The following CNTNAP2 variants were observed in gnomAD, a reference collection of about 807,000 sequenced individuals.
CNTNAP2 encodes contactin-associated protein-like 2.
In CNTNAP2, 98 loss-of-function variants were observed where a neutral mutation model predicts 155.2. The observed-to-expected ratio is 0.63, with a 90% CI of 0.54 to 0.75. CNTNAP2 has a LOEUF of 0.75. Among genes scored for constraint, CNTNAP2 ranks in the 30% least tolerant of loss-of-function variants. The pLI is 0.00. For missense variants in CNTNAP2, 1,727 were observed against 1,688.1 expected (o/e 1.02, Z -0.40); for synonymous variants, 651 against 631.2 (o/e 1.03, Z -0.47).
intron 14 of CNTNAP2, among the ~76,000 whole-genome samples, chr7:147,907,918 C>A (rs542688637): frequency 6.6e-6 from 1 of 151,480 alleles, no homozygotes; most frequent in East Asian, 2.0e-4. Context: ...TACAGGCACG[C>A]ATCACCATGC....
At chr7:146,230,770 C>T (rs907929655) in intron 1 of CNTNAP2, among the ~76,000 whole-genome samples, 1 of 152,114 alleles carries the variant, frequency 6.6e-6, no homozygotes, top group African/African-American at 2.4e-5. Context: ...AATCCCAACA[C>T]TTTGGGAGGC....
chr7:147,139,683 G>A (rs889668868), intron 8 of CNTNAP2, among the ~76,000 whole-genome samples: 1 of 152,078 alleles, frequency 6.6e-6, no homozygotes, highest in Non-Finnish European at 1.5e-5. Flanking sequence ...GTAACTAGAT[G>A]TGGAAATCAG....
chr7:146,465,120 C>T lies in CNTNAP2; in HGVS notation c.98-309151C>T, dbSNP rs182239952. On this transcript the variant is annotated intron_variant, in intron 1 of 23. Coordinates refer to ENST00000361727, the MANE Select transcript of CNTNAP2 (RefSeq NM_014141.6). ...CTGAAGCCTCTTTGACTAGTCTAAA[C>T]ATACACACACACACCACACACACAC... 1.9e-3 allele frequency among the ~76,000 whole-genome samples: 285 copies of T among 152,068 alleles called. 1 individual carries two copies. The highest frequency in any genetic ancestry group is 6.1e-3 in the African/African-American group (252 of 41,468).
chr7:148,155,925 C>G (rs561801158), intron 17 of CNTNAP2, among the ~76,000 whole-genome samples: 1 of 152,182 alleles, frequency 6.6e-6, no homozygotes, highest in Non-Finnish European at 1.5e-5. Flanking sequence ...CAGCTTCCCA[C>G]AACGTGCAGG....
At chr7:146,119,564 C>T (rs1487681179) in intron 1 of CNTNAP2, among the ~76,000 whole-genome samples, 1 of 152,028 alleles carries the variant, frequency 6.6e-6, no homozygotes, top group Non-Finnish European at 1.5e-5. Flanking sequence ...ACACGGGACA[C>T]ACGTGGGAAG....
At chr7:147,454,715 G>A (rs1187928406) in intron 10 of CNTNAP2, among the ~76,000 whole-genome samples, 1 of 151,612 alleles carries the variant, frequency 6.6e-6, no homozygotes, top group Non-Finnish European at 1.5e-5. Context: ...CCTTCAAGAC[G>A]CCTTAGCCTT....
At chr7:147,491,466 CAT>C (rs111721706) in intron 11 of CNTNAP2, among the ~76,000 whole-genome samples, 24,892 of 152,142 alleles carry the variant, frequency 0.16, 2,667 homozygotes, top group Non-Finnish European at 0.24. Flanking sequence ...CTAAAACACA[CAT>C]ATGTCTTTTA....
intron 3 of CNTNAP2, among the ~76,000 whole-genome samples, chr7:146,873,010 G>A (rs994298936): frequency 6.6e-6 from 1 of 152,160 alleles, no homozygotes; most frequent in African/African-American, 2.4e-5. Flanking sequence ...TTTACTGCAT[G>A]AGAAATTGTG....
At chr7:147,096,041 G>C (rs11973305) in intron 4 of CNTNAP2, among the ~76,000 whole-genome samples, 16,827 of 152,060 alleles carry the variant, frequency 0.11, 1,877 homozygotes, top group African/African-American at 0.29. Flanking sequence ...TATTGATTTA[G>C]CATTAATCAT....
chr7:147,995,267 T>C (rs1214474947), intron 15 of CNTNAP2, among the ~76,000 whole-genome samples: 1 of 152,156 alleles, frequency 6.6e-6, no homozygotes, highest in South Asian at 2.1e-4. Flanking sequence ...TAGTGGGGCA[T>C]TCTTATTAAT....
At chr7:148,190,535 A>G (rs1455675151) in intron 18 of CNTNAP2, 1 of 152,236 alleles carries the variant, frequency 6.6e-6, no homozygotes, top group Non-Finnish European at 1.5e-5. Flanking sequence ...TCTTAGAGCG[A>G]CAGAATCAAG....
Position 146,473,904 on chromosome 7 carries a change from A to C in CNTNAP2, c.98-300367A>C, listed in dbSNP as rs1385584702. Among the ~76,000 whole-genome samples, 5 of 152,230 alleles carry C rather than the reference A, an allele frequency of 3.3e-5. No homozygotes were observed. The East Asian group carries it at 9.6e-4, about 29-fold the overall frequency. On this transcript the variant is annotated intron_variant, in intron 1 of 23. Coordinates refer to ENST00000361727, the MANE Select transcript of CNTNAP2 (RefSeq NM_014141.6). The stretch of plus-strand genomic sequence containing the variant: ...TTTGATTACTTCTGTCTTGTAGAAT[A>C]AAAGATTTCAGGATTGTGTCCACCG...
chr7:147,802,668 C>G (rs540729778), intron 13 of CNTNAP2, among the ~76,000 whole-genome samples: 5 of 151,768 alleles, frequency 3.3e-5, no homozygotes, highest in East Asian at 2.0e-4. Flanking sequence ...CGCAGGCACT[C>G]GGCAGGCTGA....
intron 11 of CNTNAP2, among the ~76,000 whole-genome samples, chr7:147,515,840 A>C (rs987969164): frequency 2.0e-5 from 3 of 152,196 alleles, no homozygotes; most frequent in Non-Finnish European, 4.4e-5. Flanking sequence ...ACAGCAACAA[A>C]ACTAGTCTGA....
At chr7:148,205,952 T>C (rs1479470450) in intron 18 of CNTNAP2, among the ~76,000 whole-genome samples, 3 of 152,066 alleles carry the variant, frequency 2.0e-5, no homozygotes, top group Non-Finnish European at 2.9e-5. Flanking sequence ...TTCCCTTCTC[T>C]TCCTGGTAAG....
At chr7:147,439,247 A>C (rs1797600535) in intron 10 of CNTNAP2, among the ~76,000 whole-genome samples, 1 of 151,860 alleles carries the variant, frequency 6.6e-6, no homozygotes, top group South Asian at 2.1e-4. Context: ...TCCTCTTAGT[A>C]CTGCTTTTGT....
chr7:146,239,115 C>T (rs1043053336), intron 1 of CNTNAP2, among the ~76,000 whole-genome samples: 1 of 152,162 alleles, frequency 6.6e-6, no homozygotes, highest in Non-Finnish European at 1.5e-5. Context: ...AGATTCAAAA[C>T]TCACAGAATT....
intron 20 of CNTNAP2, among the ~76,000 whole-genome samples, chr7:148,250,417 T>C (rs1323793866): frequency 6.6e-6 from 1 of 152,254 alleles, no homozygotes; most frequent in African/African-American, 2.4e-5. Flanking sequence ...TGTTCACTGA[T>C]GTATCCTAAG....
chr7:147,731,255 T>A (rs900883892), intron 13 of CNTNAP2, among the ~76,000 whole-genome samples: 3 of 152,136 alleles, frequency 2.0e-5, no homozygotes, highest in South Asian at 4.1e-4. Context: ...AGGACTTCTA[T>A]AGCTAGAAAG....
Sources: gnomAD v4.1 joint callset for allele counts (sites outside exome capture counted in the v4.1 genomes callset) on GRCh38, gnomAD v4.1.1 for gene constraint, MANE v1.5 for transcripts, NCBI Gene and HGNC (gene_info 2026-07-23, HGNC 2026-07-21) for gene names.